The following TRIO variants were observed in gnomAD, a reference collection of about 807,000 sequenced individuals.
TRIO encodes trio Rho guanine nucleotide exchange factor, also known as triple functional domain protein.
In TRIO, 58 loss-of-function variants were observed where a neutral mutation model predicts 351.9. The observed-to-expected ratio is 0.16, with a 90% CI of 0.13 to 0.21. TRIO has a LOEUF of 0.21. TRIO is among the 10% of genes least tolerant of loss of function. TRIO has a pLI of 1.00. For missense variants in TRIO, 3,201 were observed against 4,027.8 expected (o/e 0.79, Z 5.56); for synonymous variants, 1,758 against 1,595.7 (o/e 1.10, Z -2.42).
Position 14,497,576 on chromosome 5 carries a change from G to A in TRIO, c.8020-271G>A, listed in dbSNP as rs1333786688. Among the ~76,000 whole-genome samples, 6 of 152,148 alleles carry A rather than the reference G, an allele frequency of 3.9e-5. No individual in the cohort carries two copies. Among genetic ancestry groups the A allele is most frequent in the South Asian group, 4.1e-4 (2 of 4,828 alleles). On this transcript the variant is annotated intron_variant, in intron 50 of 56. Coordinates refer to ENST00000344204, the MANE Select transcript of TRIO (RefSeq NM_007118.4). This position sits in a 1 kb window ranked among gnomAD's most constrained non-coding sequence, Gnocchi z 4.4. ...GCGTTGGCGGCTCTGCATTAGGAAC[G>A]CATCTGAGGACCAGCTGGACTCAGC... is the stretch of plus-strand genomic sequence containing the variant.
At chr5:14,207,319 C>CT (rs369554613) in intron 1 of TRIO, among the ~76,000 whole-genome samples, 2,254 of 15,618 alleles carry the variant, frequency 0.14, 735 homozygotes, top group African/African-American at 0.33. Flanking sequence ...GACTGTCTCT[C>CT]ACACACACAC....
At chr5:14,150,753 A>G (rs559990516) in intron 1 of TRIO, among the ~76,000 whole-genome samples, 1 of 152,352 alleles carries the variant, frequency 6.6e-6, no homozygotes, top group Non-Finnish European at 1.5e-5. Context: ...GTTAATTTGG[A>G]AAGATTTTAT....
At chr5:14,157,545 G>GTC (rs967937365) in intron 1 of TRIO, among the ~76,000 whole-genome samples, 8 of 115,618 alleles carry the variant, frequency 6.9e-5, no homozygotes, top group Admixed American at 4.4e-4. Context: ...CTCTCTCCCT[G>GTC]TCTCTCTCTC....
At chr5:14,477,072 T>C in intron 41 of TRIO, 109 bp downstream of exon 41, 1 of 922,028 alleles carries the variant, frequency 1.1e-6, no homozygotes, top group South Asian at 1.7e-5. Context: ...TGCGTATGTT[T>C]AAGATAAAAT....
chr5:14,392,027 T>C (rs1306799421), intron 27 of TRIO, among the ~76,000 whole-genome samples: 2 of 152,186 alleles, frequency 1.3e-5, no homozygotes, highest in Non-Finnish European at 2.9e-5. Flanking sequence ...GTTAGAAATA[T>C]TTTAGTATTA....
chr5:14,465,502 G>A, intron 36 of TRIO, 43 bp from the exon 37 acceptor site: 1 of 1,597,022 alleles, frequency 6.3e-7, no homozygotes, highest in Non-Finnish European at 8.6e-7. Context: ...TTACTAATGT[G>A]AGCCCTTGCC....
At chr5:14,190,760 T>A (rs1790404291) in intron 1 of TRIO, among the ~76,000 whole-genome samples, 1 of 151,920 alleles carries the variant, frequency 6.6e-6, no homozygotes, top group Non-Finnish European at 1.5e-5. Context: ...GCTGACTAAA[T>A]TAAAAAAAAA....
chr5:14,434,160 G>A (rs546867722), intron 34 of TRIO, among the ~76,000 whole-genome samples: 4 of 152,238 alleles, frequency 2.6e-5, no homozygotes, highest in Non-Finnish European at 5.9e-5. Flanking sequence ...AATTTCGTGG[G>A]CATTAACTTT....
At chr5:14,209,788 A>G (rs1220897700) in intron 1 of TRIO, among the ~76,000 whole-genome samples, 1 of 152,268 alleles carries the variant, frequency 6.6e-6, no homozygotes, top group Non-Finnish European at 1.5e-5. Flanking sequence ...AATTGACAGT[A>G]TTGGCCCTCA....
chr5:14,184,935 C>T (rs192311017), intron 1 of TRIO, among the ~76,000 whole-genome samples: 192 of 152,220 alleles, frequency 1.3e-3, no homozygotes, highest in Middle Eastern at 3.4e-3. Flanking sequence ...AAATCGGGCT[C>T]CTCCTTGGAG....
chr5:14,400,586 A>G (rs1443984886), intron 30 of TRIO, among the ~76,000 whole-genome samples: 4 of 152,172 alleles, frequency 2.6e-5, no homozygotes, highest in Non-Finnish European at 5.9e-5. Flanking sequence ...TACTGAAGAG[A>G]ACATGGTGGC....
chr5:14,296,762 G>T (rs569347044), intron 6 of TRIO, among the ~76,000 whole-genome samples: 2 of 152,210 alleles, frequency 1.3e-5, no homozygotes, highest in Admixed American at 1.3e-4. Flanking sequence ...TTGAAGCCAA[G>T]AAGTGAGTAA....
chr5:14,381,281 G>T, intron 21 of TRIO, 29 bp downstream of exon 21: 3 of 1,567,146 alleles, frequency 1.9e-6, no homozygotes, highest in Non-Finnish European at 2.6e-6. Flanking sequence ...TTGTATAGTG[G>T]CCTCTAAGTC....
intron 1 of TRIO, among the ~76,000 whole-genome samples, chr5:14,254,329 G>A (rs938492489): frequency 2.0e-5 from 3 of 152,028 alleles, no homozygotes; most frequent in African/African-American, 7.2e-5. Context: ...GATTACAGGC[G>A]CCCGGCTAAT....
intron 6 of TRIO, 38 bp from the exon 7 acceptor site, chr5:14,297,034 C>T (rs937802544): frequency 6.4e-7 from 1 of 1,561,968 alleles, no homozygotes; most frequent in African/African-American, 1.4e-5. Flanking sequence ...CCTATTTGCT[C>T]TCCCCTAAGG....
rs184087662 is a variant in TRIO, at chr5:14,468,900, G to C, written c.5764-2418G>C. Among the ~76,000 whole-genome samples the C allele has an allele frequency of 3.6e-3, 545 of 152,222 alleles. 2 individuals are homozygous for C. The highest frequency in any genetic ancestry group is 5.7e-3 in the Non-Finnish European group (386 of 67,990). On this transcript the variant is annotated intron_variant, in intron 37 of 56. Transcript: ENST00000344204. The stretch of plus-strand genomic sequence containing the variant: ...TGAGGATTTGACTCGAAAAATGAAA[G>C]CCCCCCTGAAAACTGTTCCCTGGAT...
rs1438282757 is a variant in TRIO, at chr5:14,497,660, A to G, written c.8020-187A>G. Among the ~76,000 whole-genome samples, 2 of 152,222 alleles carry G rather than the reference A, an allele frequency of 1.3e-5. No individual in the cohort carries two copies. The highest frequency in any genetic ancestry group is 1.5e-5 in the Non-Finnish European group (1 of 68,042). On this transcript the variant is annotated intron_variant, in intron 50 of 56. Coordinates refer to ENST00000344204, the MANE Select transcript of TRIO (RefSeq NM_007118.4). This position sits in a 1 kb window ranked among gnomAD's most constrained non-coding sequence, Gnocchi z 4.4. ...GTTTTTGTGTTTGTGGGTAGGAAGA[A>G]AAAGACCCACCCAAATTAGTGTGAC...
chr5:14,160,045 A>G (rs1352083592), intron 1 of TRIO, among the ~76,000 whole-genome samples: 1 of 152,250 alleles, frequency 6.6e-6, no homozygotes, highest in African/African-American at 2.4e-5. Context: ...CATACAGAGT[A>G]TTCCAACTCA....
intron 8 of TRIO, 112 bp from the exon 9 acceptor site, chr5:14,316,401 C>T: frequency 2.9e-6 from 3 of 1,028,872 alleles, no homozygotes; most frequent in Non-Finnish European, 2.9e-6. Flanking sequence ...AATGTGTGTA[C>T]ATGTACGTGT....
Sources: gnomAD v4.1 joint callset for allele counts (sites outside exome capture counted in the v4.1 genomes callset) on GRCh38, gnomAD v4.1.1 for gene constraint, Gnocchi (gnomAD v3.1) non-coding constraint, MANE v1.5 for transcripts, NCBI Gene and HGNC (gene_info 2026-07-23, HGNC 2026-07-21) for gene names.